The following CNTN4 variants were observed in gnomAD, a reference collection of about 807,000 sequenced individuals.
The protein encoded by CNTN4 is contactin 4, also known as contactin-4.
CNTN4 carries 77 observed loss-of-function variants against 122.5 expected under a neutral mutation model. That is an observed-to-expected ratio of 0.63 (90% CI 0.52 to 0.76). The LOEUF is 0.76. Among genes scored for constraint, CNTN4 ranks in the 30% least tolerant of loss-of-function variants. CNTN4 has a pLI of 0.00. For missense variants in CNTN4, 1,256 were observed against 1,259.1 expected (o/e 1.00, Z 0.04); for synonymous variants, 512 against 447.0 (o/e 1.15, Z -1.83).
chr3:2,200,332 T>G (rs1292348313), intron 2 of CNTN4, among the ~76,000 whole-genome samples: 1 of 152,188 alleles, frequency 6.6e-6, no homozygotes, highest in Non-Finnish European at 1.5e-5. Context: ...CTTAAATATT[T>G]CTAGTAACAG....
chr3:2,408,942 T>C (rs2047131087), intron 3 of CNTN4, among the ~76,000 whole-genome samples: 1 of 152,172 alleles, frequency 6.6e-6, no homozygotes, highest in South Asian at 2.1e-4. Context: ...TTATAAAGCT[T>C]CAAGATTTAT....
intron 2 of CNTN4, among the ~76,000 whole-genome samples, chr3:2,163,888 C>G (rs1420824620): frequency 6.6e-6 from 1 of 152,248 alleles, no homozygotes; most frequent in Non-Finnish European, 1.5e-5. Context: ...CACTTTTACA[C>G]TGCTGGTGAG....
intron 23 of CNTN4, among the ~76,000 whole-genome samples, chr3:3,043,958 G>T (rs987960354): frequency 1.3e-5 from 2 of 152,186 alleles, no homozygotes; most frequent in Middle Eastern, 3.4e-3. Context: ...CTGTGTTTGG[G>T]TCTCCAAAAA....
chr3:2,176,834 T>C (rs2149265541), intron 2 of CNTN4, among the ~76,000 whole-genome samples: 1 of 152,282 alleles, frequency 6.6e-6, no homozygotes, highest in Non-Finnish European at 1.5e-5. Flanking sequence ...GAAATAAACA[T>C]CACTTCAAGG....
intron 11 of CNTN4, 146 bp from the exon 12 acceptor site, chr3:2,902,730 C>T (rs1472298402): frequency 3.8e-6 from 3 of 792,198 alleles, no homozygotes; most frequent in African/African-American, 3.4e-5. Context: ...ATTTAGCTGA[C>T]AGATAAATAG....
chr3:2,455,582 G>A (rs1559567596), intron 3 of CNTN4, among the ~76,000 whole-genome samples: 1 of 152,056 alleles, frequency 6.6e-6, no homozygotes, highest in Non-Finnish European at 1.5e-5. Flanking sequence ...ATCAGAAGAA[G>A]GAGGACATTT....
chr3:2,715,664 C>A (rs553802661), intron 4 of CNTN4, among the ~76,000 whole-genome samples: 1 of 152,312 alleles, frequency 6.6e-6, no homozygotes, highest in Non-Finnish European at 1.5e-5. Flanking sequence ...CTGAGGAATA[C>A]AAGATCAAGG....
In CNTN4 at chr3:2,162,390, A is replaced by G. The variant is rs1194430504; in HGVS notation, c.-145+61751A>G. 4.6e-5 allele frequency among the ~76,000 whole-genome samples: 7 copies of G among 152,358 alleles called. No homozygotes were observed. The South Asian group carries it at 1.0e-3, about 23-fold the overall frequency. ...TGCCAAGAAATTTGGGGGTAAGACCATGGTGGCAATTTAAGCAGGTTTTGT... is the reference window on the plus strand; with the variant it reads ...TGCCAAGAAATTTGGGGGTAAGACCGTGGTGGCAATTTAAGCAGGTTTTGT... On this transcript the variant is annotated intron_variant, in intron 2 of 24. Coordinates refer to ENST00000418658, the MANE Select transcript of CNTN4 (RefSeq NM_175607.3).
At chr3:2,217,392 T>C (rs2038889750) in intron 2 of CNTN4, among the ~76,000 whole-genome samples, 1 of 152,214 alleles carries the variant, frequency 6.6e-6, no homozygotes, top group Non-Finnish European at 1.5e-5. Flanking sequence ...ATTCTGCCAT[T>C]GATGCCATTA....
chr3:2,202,204 C>T (rs1020324195), intron 2 of CNTN4, among the ~76,000 whole-genome samples: 1 of 152,132 alleles, frequency 6.6e-6, no homozygotes, highest in Non-Finnish European at 1.5e-5. Flanking sequence ...TTGAAGGATA[C>T]ATATAGATCC....
intron 4 of CNTN4, among the ~76,000 whole-genome samples, chr3:2,613,444 A>G (rs2081582517): frequency 6.7e-6 from 1 of 148,594 alleles, no homozygotes; most frequent in Admixed American, 6.6e-5. Flanking sequence ...ATTCCAGTAG[A>G]AAAAAAAGAA....
intron 4 of CNTN4, among the ~76,000 whole-genome samples, chr3:2,576,842 C>A (rs1185205294): frequency 6.6e-6 from 1 of 152,204 alleles, no homozygotes; most frequent in Non-Finnish European, 1.5e-5. Flanking sequence ...GCCACCACAC[C>A]AGGTCACGCC....
chr3:2,280,542 A>G lies in CNTN4; in HGVS notation c.-144-58636A>G, dbSNP rs1037384400. 2.8e-4 allele frequency among the ~76,000 whole-genome samples: 43 copies of G among 152,324 alleles called. 1 individual carries two copies. The highest frequency in any genetic ancestry group is 1.0e-3 in the African/African-American group (43 of 41,574). ...ACAGTCACTAAAAATTGAAATGCAG[A>G]CAGTCCAATTTCAGAAACCATGCTC... On this transcript the variant is annotated intron_variant, in intron 2 of 24. Transcript: ENST00000418658.
chr3:2,708,499 G>A (rs1420077052), intron 4 of CNTN4, among the ~76,000 whole-genome samples: 1 of 152,210 alleles, frequency 6.6e-6, no homozygotes, highest in Non-Finnish European at 1.5e-5. Context: ...TCTAGCTGCT[G>A]TGCGGAAGCT....
intron 6 of CNTN4, among the ~76,000 whole-genome samples, chr3:2,769,063 T>C (rs949536137): frequency 6.6e-6 from 1 of 152,212 alleles, no homozygotes; most frequent in East Asian, 1.9e-4. Context: ...CTGACATTTG[T>C]CTTATTTTGT....
chr3:2,863,441 C>CTTTTTTTTT (rs2093690590), intron 7 of CNTN4, among the ~76,000 whole-genome samples: 1 of 40,462 alleles, frequency 2.5e-5, no homozygotes. Context: ...TCTATGGTTT[C>CTTTTTTTTT]TTCTTTTTTT....
At chr3:2,702,491 C>A (rs1184416999) in intron 4 of CNTN4, among the ~76,000 whole-genome samples, 1 of 152,244 alleles carries the variant, frequency 6.6e-6, no homozygotes, top group East Asian at 1.9e-4. Flanking sequence ...AACGGCACTT[C>A]TTCCATAAGC....
chr3:2,801,398 T>C (rs1376870900), intron 6 of CNTN4, among the ~76,000 whole-genome samples: 1 of 152,222 alleles, frequency 6.6e-6, no homozygotes, highest in Non-Finnish European at 1.5e-5. Flanking sequence ...TCAATTAAAA[T>C]ATTCCAATTA....
chr3:2,625,553 A>G (rs1037605877), intron 4 of CNTN4, among the ~76,000 whole-genome samples: 9 of 152,184 alleles, frequency 5.9e-5, no homozygotes, highest in African/African-American at 2.2e-4. Flanking sequence ...GTTTTGCCAC[A>G]TGTATCTCCC....
Sources: allele counts gnomAD v4.1 joint callset (sites outside exome capture counted in the v4.1 genomes callset), GRCh38; gene constraint gnomAD v4.1.1; transcripts MANE v1.5; gene names NCBI Gene and HGNC (gene_info 2026-07-23, HGNC 2026-07-21).